The following HIVEP1 variants were observed in gnomAD, a reference collection of about 807,000 sequenced individuals.
The protein encoded by HIVEP1 is HIVEP zinc finger 1.
In HIVEP1, 36 loss-of-function variants were observed where a neutral mutation model predicts 180.0. The observed-to-expected ratio is 0.20, with a 90% confidence interval of 0.15 to 0.26. HIVEP1 has a LOEUF of 0.26. Among genes scored for constraint, HIVEP1 ranks in the 10% least tolerant of loss-of-function variants. The pLI, the probability that HIVEP1 is intolerant of heterozygous loss-of-function variation, is 1.00. For synonymous variants in HIVEP1, 1,239 were observed against 1,239.0 expected, an observed-to-expected ratio of 1.00 and a Z score of 0.00; for missense variants, 3,143 against 3,268.7, an observed-to-expected ratio of 0.96 and a Z score of 0.94.
Position 12,135,530 on chromosome 6 carries a change from G to T in HIVEP1, c.6386-261G>T, listed in dbSNP as rs151025577. On this transcript the variant is annotated intron_variant, in intron 6 of 8. Coordinates refer to ENST00000379388, the MANE Select transcript of HIVEP1 (RefSeq NM_002114.4). ...TAAAATGTCCCAAGAAATAAATAAG[G>T]ATTAGAGAATAGAAAACATAAGGTA... 5.4e-4 allele frequency among the ~76,000 whole-genome samples: 82 copies of T among 152,238 alleles called. No individual in the cohort carries two copies. The Middle Eastern group carries it at 0.014, about 25-fold the overall frequency.
chr6:12,055,982 CTTTTA>C (rs1311591681), intron 2 of HIVEP1, among the ~76,000 whole-genome samples: 3 of 152,110 alleles, frequency 2.0e-5, no homozygotes, highest in East Asian at 1.9e-4. Flanking sequence ...TTATTTGCTC[CTTTTA>C]TTTTATATGC....
At chr6:12,110,935 C>G (rs543472445) in intron 3 of HIVEP1, among the ~76,000 whole-genome samples, 22 of 152,264 alleles carry the variant, frequency 1.4e-4, no homozygotes, top group Non-Finnish European at 2.4e-4. Context: ...CTTAGAGGCC[C>G]TTGTAGGCTT....
chr6:12,132,678 C>T (rs1449368895), intron 6 of HIVEP1, among the ~76,000 whole-genome samples: 1 of 152,122 alleles, frequency 6.6e-6, no homozygotes, highest in East Asian at 1.9e-4. Context: ...ATGTCTTACA[C>T]ATCTCTAATA....
At chr6:12,088,059 A>G (rs1773218756) in intron 2 of HIVEP1, among the ~76,000 whole-genome samples, 1 of 152,160 alleles carries the variant, frequency 6.6e-6, no homozygotes, top group South Asian at 2.1e-4. Flanking sequence ...TGATCTGTAA[A>G]TAGAAGGTTC....
chr6:12,166,118 A>G (rs1214870986), downstream of HIVEP1, among the ~76,000 whole-genome samples: 1 of 152,228 alleles, frequency 6.6e-6, no homozygotes, highest in African/African-American at 2.4e-5. Context: ...GCGTTGCCCT[A>G]TCAATAATAG....
chr6:12,139,417 T>C lies in HIVEP1; in HGVS notation c.6487+3525T>C, dbSNP rs1444653262. 3.3e-5 allele frequency among the ~76,000 whole-genome samples: 5 copies of C among 152,142 alleles called. No individual in the cohort carries two copies. The East Asian group carries it at 5.8e-4, about 18-fold the overall frequency. On this transcript the variant is annotated intron_variant, in intron 7 of 8. Coordinates refer to ENST00000379388, the MANE Select transcript of HIVEP1 (RefSeq NM_002114.4). ...CTCCAGTCTGCAGTTCCCAGCGTGA[T>C]TGACGCAGAAGACGGATGATTTCTG...
intron 7 of HIVEP1, among the ~76,000 whole-genome samples, chr6:12,149,255 T>C (rs192582035): frequency 2.0e-4 from 31 of 152,282 alleles, no homozygotes; most frequent in Non-Finnish European, 1.5e-5. Context: ...GAAAATGGGG[T>C]AAACCTTTTT....
intron 2 of HIVEP1, among the ~76,000 whole-genome samples, chr6:12,058,976 G>T (rs948340506): frequency 9.2e-5 from 14 of 151,352 alleles, no homozygotes; most frequent in African/African-American, 3.2e-4. Context: ...GAGACAGAGT[G>T]TCACTCTGTT....
At chr6:12,078,781 G>A (rs563153855) in intron 2 of HIVEP1, among the ~76,000 whole-genome samples, 2 of 149,012 alleles carry the variant, frequency 1.3e-5, no homozygotes, top group East Asian at 3.9e-4. Flanking sequence ...TGCTGACAAG[G>A]GGTGGGGTAG....
chr6:12,210,461 T>A, the HIVEP1 span, among the ~76,000 whole-genome samples: 1 of 137,456 alleles, frequency 7.3e-6, no homozygotes, highest in South Asian at 2.1e-4. Flanking sequence ...TCAGCATAGT[T>A]AGAGTAGTTT....
intron 2 of HIVEP1, among the ~76,000 whole-genome samples, chr6:12,081,465 CA>C (rs1466570742): frequency 6.6e-6 from 1 of 152,136 alleles, no homozygotes; most frequent in African/African-American, 2.4e-5. Flanking sequence ...GCCTTAAATT[CA>C]TCCTTTCCAC....
chr6:12,166,118 A>T (rs1214870986), downstream of HIVEP1, among the ~76,000 whole-genome samples: 1 of 152,228 alleles, frequency 6.6e-6, no homozygotes, highest in African/African-American at 2.4e-5. Context: ...GCGTTGCCCT[A>T]TCAATAATAG....
the HIVEP1 span, among the ~76,000 whole-genome samples, chr6:12,207,875 C>T: frequency 1.4e-5 from 2 of 147,470 alleles, no homozygotes; most frequent in African/African-American, 2.5e-5. Flanking sequence ...GTGATCACAC[C>T]ACTGCACTCC....
At chr6:12,190,363 G>A in the HIVEP1 span, among the ~76,000 whole-genome samples, 4 of 152,098 alleles carry the variant, frequency 2.6e-5, no homozygotes, top group Non-Finnish European at 4.4e-5. Context: ...AGAGGTTCAG[G>A]CCCTCCTTGA....
the HIVEP1 span, among the ~76,000 whole-genome samples, chr6:12,206,801 C>T: frequency 1.3e-5 from 2 of 152,080 alleles, no homozygotes; most frequent in Non-Finnish European, 2.9e-5. Flanking sequence ...GTGCTAGACT[C>T]CTTCCCTAGG....
At chr6:12,054,607 C>T (rs1181023938) in intron 2 of HIVEP1, among the ~76,000 whole-genome samples, 1 of 152,076 alleles carries the variant, frequency 6.6e-6, no homozygotes, top group Non-Finnish European at 1.5e-5. Flanking sequence ...ATTAAAATTC[C>T]CTATAAACAT....
chr6:12,043,656 C>T (rs969131114), intron 2 of HIVEP1, among the ~76,000 whole-genome samples: 3 of 152,086 alleles, frequency 2.0e-5, no homozygotes, highest in Non-Finnish European at 4.4e-5. Flanking sequence ...CGTGAGGCAC[C>T]GTGCCCAGCC....
intron 7 of HIVEP1, among the ~76,000 whole-genome samples, chr6:12,139,604 G>A (rs1445792576): frequency 1.3e-5 from 2 of 152,228 alleles, no homozygotes; most frequent in Admixed American, 6.5e-5. Flanking sequence ...GTGACAGACA[G>A]TACCTGGAAA....
Position 12,015,621 on chromosome 6 carries a change from C to G in HIVEP1, c.-8C>G. 1 of 1,613,118 alleles carries G rather than the reference C, an allele frequency of 6.2e-7. No homozygotes were observed. The highest frequency in any genetic ancestry group is 8.5e-7 in the Non-Finnish European group (1 of 1,179,446). On this transcript the variant is annotated 5_prime_UTR_variant, in exon 2 of 9. Coordinates refer to ENST00000379388, the MANE Select transcript of HIVEP1 (RefSeq NM_002114.4). The stretch of plus-strand genomic sequence containing the variant: ...TAAGAAGAAAAAGAAGGCCCTGAGT[C>G]AAAGAAGATGCCTCGAACTAAACAA...
Sources: gnomAD v4.1 joint callset for allele counts (sites outside exome capture counted in the v4.1 genomes callset) on GRCh38, gnomAD v4.1.1 for gene constraint, MANE v1.5 for transcripts, NCBI Gene and HGNC (gene_info 2026-07-23, HGNC 2026-07-21) for gene names.